TRPC4: variants seen among roughly 807,000 people sequenced by gnomAD.
TRPC4 encodes the protein transient receptor potential cation channel subfamily C member 4, also known as short transient receptor potential channel 4.
TRPC4 carries 49 observed loss-of-function variants against 99.4 expected under a neutral mutation model. The ratio of observed to expected loss-of-function variants is 0.49; its 90% CI spans 0.39 to 0.63. The LOEUF (loss-of-function observed/expected upper bound fraction) is 0.63. Among genes scored for constraint, TRPC4 ranks in the 20% least tolerant of loss-of-function variants. The pLI is 0.00. For synonymous variants in TRPC4, 454 were observed against 425.9 expected (o/e 1.07, Z -0.81); for missense variants, 898 against 1,152.9 (o/e 0.78, Z 3.20).
At chr13:37,835,423 C>A (rs1226149574) in intron 1 of TRPC4, among the ~76,000 whole-genome samples, 3 of 152,210 alleles carry the variant, frequency 2.0e-5, no homozygotes, top group Non-Finnish European at 4.4e-5. Flanking sequence ...TCTTGTCCAA[C>A]ATCTTGCTAC....
rs141336829 is a variant in TRPC4 at position 37,639,035 on chromosome 13, G to T, written c.2211+5C>A. The T allele has an allele frequency of 1.2e-6, 2 of 1,613,304 alleles. No homozygotes were observed. The highest frequency in any genetic ancestry group is 2.7e-5 in the African/African-American group (2 of 74,988). ...GCCTCTTGTGATGAAGATGAAAATG[G>T]TTACCTTAAAGTTCTCTTCGGTCAG... On this transcript the variant is annotated splice_donor_5th_base_variant and intron_variant, in intron 10 of 10. Transcript: ENST00000379705.
At chr13:37,826,631 GC>G (rs1351457912) in intron 1 of TRPC4, among the ~76,000 whole-genome samples, 1 of 151,968 alleles carries the variant, frequency 6.6e-6, no homozygotes. Flanking sequence ...TAGGGTTTCT[GC>G]CAAGAGATCC....
intron 7 of TRPC4, among the ~76,000 whole-genome samples, chr13:37,652,310 T>C (rs977266656): frequency 6.6e-6 from 1 of 152,240 alleles, no homozygotes; most frequent in Non-Finnish European, 1.5e-5. Context: ...GTTAATATCA[T>C]AAACACGAAC....
At chr13:37,785,756 A>G (rs1291954989) in intron 1 of TRPC4, among the ~76,000 whole-genome samples, 2 of 152,126 alleles carry the variant, frequency 1.3e-5, no homozygotes, top group Non-Finnish European at 2.9e-5. Context: ...TAGGTAGAGA[A>G]CAGCATTTTA....
intron 1 of TRPC4, among the ~76,000 whole-genome samples, chr13:37,861,208 T>C (rs2139718006): frequency 6.6e-6 from 1 of 151,640 alleles, no homozygotes; most frequent in South Asian, 2.1e-4. Flanking sequence ...ATTGCAAGTG[T>C]TCAATTTGTT....
chr13:37,676,426 G>A (rs1368629297), intron 4 of TRPC4, among the ~76,000 whole-genome samples: 1 of 150,300 alleles, frequency 6.7e-6, no homozygotes, highest in South Asian at 2.1e-4. Context: ...AGGCTGGAGT[G>A]CAGTAGCGCA....
At position 37,783,477 on chromosome 13, in the gene TRPC4, T is replaced by C. The variant is rs572496882; in HGVS notation, c.-27-117A>G. The stretch of plus-strand genomic sequence containing the variant: ...TAACAACAATACCATTATTAGTAAC[T>C]ATTAAGAGTTAAGGTTTTTTTTTTT... On this transcript the variant is annotated intron_variant, in intron 1 of 10. Transcript: ENST00000379705. The C allele has an allele frequency of 1.8e-4, 126 of 716,866 alleles. 2 individuals carry two copies. In the Admixed American group the frequency reaches 3.5e-3, roughly 20 times the overall value. 44.4% of individuals were successfully genotyped at this position (716,866 alleles called of 1,614,324 possible).
chr13:37,744,545 G>A (rs1316168518), intron 3 of TRPC4, among the ~76,000 whole-genome samples: 3 of 152,086 alleles, frequency 2.0e-5, no homozygotes, highest in Non-Finnish European at 4.4e-5. Flanking sequence ...AACCAGATTA[G>A]CTTAACTAAT....
At position 37,637,265 on chromosome 13, in the gene TRPC4, C is replaced by T; in HGVS notation, c.2572G>A (p.Glu858Lys). ...GAGAAGATTTGGTTTGCATTTTGCT[C>T]AGCAGCATTTTGTTTTGATCGTCTA... ...FHRRSKQNAA[E>K]QNANQIFSVS... Residue 858 changes from glutamate (E) to lysine (K), a missense_variant, in exon 11 of 11, where the codon GAG becomes AAG. By Grantham distance (56) the Glu-to-Lys change is moderately conservative (BLOSUM62 1). This residue lies in a region of TRPC4 where 346 missense variants were observed against 351.4 expected (regional missense o/e 0.98). Coordinates refer to ENST00000379705, the MANE Select transcript of TRPC4 (RefSeq NM_016179.4). 6.2e-7 allele frequency: 1 copy of T among 1,613,890 alleles called. No homozygotes were observed. The highest frequency in any genetic ancestry group is 1.7e-5 in the Admixed American group (1 of 59,944).
chr13:37,679,579 A>G (rs920353350), intron 4 of TRPC4, among the ~76,000 whole-genome samples: 2 of 145,084 alleles, frequency 1.4e-5, no homozygotes, highest in African/African-American at 5.7e-5. Context: ...TTTTGTTTTT[A>G]TATTTTGTTA....
intron 5 of TRPC4, among the ~76,000 whole-genome samples, chr13:37,669,912 G>C (rs1284557127): frequency 6.6e-6 from 1 of 152,136 alleles, no homozygotes; most frequent in African/African-American, 2.4e-5. Context: ...CATCTCCCCA[G>C]ATTGAGCCCC....
intron 5 of TRPC4, among the ~76,000 whole-genome samples, chr13:37,664,874 G>A (rs570521998): frequency 6.6e-6 from 1 of 152,142 alleles, no homozygotes; most frequent in East Asian, 1.9e-4. Context: ...TCTCTCTGGG[G>A]AGACAATGTA....
At chr13:37,701,751 A>G (rs983270557) in intron 3 of TRPC4, among the ~76,000 whole-genome samples, 3 of 152,124 alleles carry the variant, frequency 2.0e-5, no homozygotes, top group Non-Finnish European at 4.4e-5. Flanking sequence ...CTGCAACCCA[A>G]AGAATCTGCG....
intron 5 of TRPC4, among the ~76,000 whole-genome samples, chr13:37,670,468 C>T (rs1458312608): frequency 6.6e-6 from 1 of 152,070 alleles, no homozygotes; most frequent in East Asian, 1.9e-4. Context: ...AGCAGAGGTC[C>T]TAGTCATAAC....
In TRPC4 at chr13:37,692,120, G is replaced by A. The variant is rs1953733873; in HGVS notation, c.1113C>T (p.Ala371=). 6.2e-7 allele frequency: 1 copy of A among 1,614,130 alleles called. No homozygotes were observed. Among genetic ancestry groups the A allele is most frequent in the Non-Finnish European group, 8.5e-7 (1 of 1,180,016 alleles). ...GCAGGAACAAAAAAGTCAAATAGGA[G>A]GCTGTGTGGCAGATAAACTTGATAA... ...KPFIKFICHT[A]SYLTFLFLLL... The change falls in exon 4 of 11, where the codon GCC becomes GCT. Residue 371 remains alanine (A), a synonymous_variant. Coordinates refer to ENST00000379705, the MANE Select transcript of TRPC4 (RefSeq NM_016179.4).
At chr13:37,673,433 A>G (rs1279563150) in intron 5 of TRPC4, among the ~76,000 whole-genome samples, 1 of 152,006 alleles carries the variant, frequency 6.6e-6, no homozygotes, top group Non-Finnish European at 1.5e-5. Context: ...ATTAAATTGA[A>G]TGCATTATTT....
intron 1 of TRPC4, among the ~76,000 whole-genome samples, chr13:37,834,961 C>T (rs1470950979): frequency 2.0e-5 from 3 of 152,086 alleles, no homozygotes; most frequent in East Asian, 3.9e-4. Flanking sequence ...TCTTGAACTC[C>T]TGGCCTCAAG....
Position 37,752,075 on chromosome 13 carries a change from CTA to C in TRPC4, c.379-5622_379-5621del, listed in dbSNP as rs10528143. ...TACCAAAACCTGATAAAGCAGAAAACTATATATATATATATATATATGACTGG... is the reference window on the plus strand; with the variant it reads ...TACCAAAACCTGATAAAGCAGAAAACTATATATATATATATATATGACTGG... On this transcript the variant is annotated intron_variant, in intron 2 of 10. Transcript: ENST00000379705. 8.9e-4 allele frequency among the ~76,000 whole-genome samples: 66 copies of C among 73,948 alleles called. 14 individuals carry two copies. Among genetic ancestry groups the C allele is most frequent in the Admixed American group, 5.6e-4 (4 of 7,170 alleles). 48.5% of individuals were successfully genotyped at this position (73,948 alleles called of 152,430 possible). A position where few individuals can be genotyped will look rare whatever the true frequency, so the allele number is the denominator to read the frequency against.
intron 3 of TRPC4, among the ~76,000 whole-genome samples, chr13:37,702,512 TATG>T (rs1954133003): frequency 6.6e-6 from 1 of 152,212 alleles, no homozygotes. Context: ...TTTTATTAAA[TATG>T]ATTGTTAGCC....
Sources: gnomAD v4.1 joint callset for allele counts (sites outside exome capture counted in the v4.1 genomes callset) on GRCh38, gnomAD v4.1.1 for gene constraint, gnomAD v4.1.1 regional missense constraint, MANE v1.5 for transcripts, NCBI Gene and HGNC (gene_info 2026-07-23, HGNC 2026-07-21) for gene names.